Variants in TTBK2 observed in about 807,000 individuals in gnomAD.
TTBK2 encodes tau tubulin kinase 2.
A neutral mutation model predicts 110.8 loss-of-function variants in TTBK2; 28 were observed. The observed-to-expected ratio is 0.25, with a 90% CI of 0.19 to 0.35. The LOEUF (loss-of-function observed/expected upper bound fraction) is 0.35. Among genes scored for constraint, TTBK2 ranks in the 10% least tolerant of loss-of-function variants. TTBK2 has a pLI of 1.00. For synonymous variants in TTBK2, 532 were observed against 527.3 expected (o/e 1.01, Z -0.12); for missense variants, 1,369 against 1,500.3 (o/e 0.91, Z 1.45).
chr15:42,758,279 T>C (rs964030494), intron 13 of TTBK2, among the ~76,000 whole-genome samples: 8 of 152,216 alleles, frequency 5.3e-5, no homozygotes, highest in African/African-American at 1.9e-4. Context: ...CCTGGCCTAT[T>C]AAGAAGTTAA....
chr15:42,852,818 A>G (rs186164143), intron 3 of TTBK2, among the ~76,000 whole-genome samples: 133 of 152,358 alleles, frequency 8.7e-4, no homozygotes, highest in African/African-American at 3.1e-3. Context: ...ATCAACAAGG[A>G]CAAGCAAAAA....
chr15:42,835,658 G>A (rs1892956453), intron 4 of TTBK2, among the ~76,000 whole-genome samples: 1 of 151,842 alleles, frequency 6.6e-6, no homozygotes, highest in Non-Finnish European at 1.5e-5. Flanking sequence ...TAAAGAGATG[G>A]ACGATCATTG....
intron 1 of TTBK2, among the ~76,000 whole-genome samples, chr15:42,910,377 G>A (rs1001791544): frequency 7.2e-5 from 11 of 152,100 alleles, no homozygotes; most frequent in Non-Finnish European, 1.2e-4. Context: ...CCTCCTAATA[G>A]AGTACACATT....
intron 1 of TTBK2, among the ~76,000 whole-genome samples, chr15:42,908,652 G>A (rs965797019): frequency 5.3e-5 from 8 of 152,128 alleles, no homozygotes; most frequent in African/African-American, 1.7e-4. Context: ...GTTGTTGCTT[G>A]CTAATCGTCC....
chr15:42,877,940 CTATT>C (rs1199580072), intron 2 of TTBK2, among the ~76,000 whole-genome samples: 2 of 151,004 alleles, frequency 1.3e-5, no homozygotes, highest in Non-Finnish European at 2.9e-5. Flanking sequence ...ACATTGATGA[CTATT>C]TAACTTGAGT....
At chr15:42,792,558 T>C (rs1214216808) in intron 10 of TTBK2, among the ~76,000 whole-genome samples, 1 of 152,262 alleles carries the variant, frequency 6.6e-6, no homozygotes, top group Non-Finnish European at 1.5e-5. Context: ...TTAGTCTTTC[T>C]AGCACTGGTT....
Position 42,876,575 on chromosome 15 carries a change from C to T in TTBK2, c.69+1974G>A, listed in dbSNP as rs188460848. On this transcript the variant is annotated intron_variant, in intron 2 of 14. Transcript: ENST00000267890. ...ACTGACTTACCTAATCAGTAAAACACATTGTACCATACAAATAAAAAATAA... is the reference window on the plus strand; with the variant it reads ...ACTGACTTACCTAATCAGTAAAACATATTGTACCATACAAATAAAAAATAA... Among the ~76,000 whole-genome samples the T allele has an allele frequency of 5.3e-5, 8 of 152,288 alleles. No individual in the cohort carries two copies. In the East Asian group the frequency reaches 1.5e-3, roughly 29 times the overall value.
chr15:42,860,184 T>C (rs1894099095), intron 3 of TTBK2, among the ~76,000 whole-genome samples: 1 of 151,926 alleles, frequency 6.6e-6, no homozygotes, highest in Non-Finnish European at 1.5e-5. Context: ...TATGAATCAA[T>C]GACTAAGAAT....
At chr15:42,844,118 G>A (rs951775247) in intron 3 of TTBK2, among the ~76,000 whole-genome samples, 31 of 152,170 alleles carry the variant, frequency 2.0e-4, no homozygotes, top group African/African-American at 7.5e-4. Flanking sequence ...CAGTCTCAGT[G>A]TATTGGCTTT....
chr15:42,916,143 T>C (rs1467586228), intron 1 of TTBK2, among the ~76,000 whole-genome samples: 1 of 152,212 alleles, frequency 6.6e-6, no homozygotes, highest in Non-Finnish European at 1.5e-5. Flanking sequence ...ATTTTTTAAG[T>C]GCTAGGGAAG....
In TTBK2 at chr15:42,752,212, C is replaced by G. The variant is rs2061875248; in HGVS notation, c.3034G>C (p.Ala1012Pro). The G allele has an allele frequency of 1.9e-6, 3 of 1,614,060 alleles. No individual in the cohort carries two copies. The highest frequency in any genetic ancestry group is 2.2e-5 in the East Asian group (1 of 44,886). ...AGCACTTCCTCCTCACAAAAGGGAG[C>G]AGGAACAGTAGCTAGTTTCTCCTCT... ...LLEEKLATVP[A>P]PFCEEEVLTP... The change falls in exon 14 of 15, where the codon GCT becomes CCT. Residue 1012 changes from alanine to proline, a missense_variant. Physicochemically the swap from Ala to Pro is conservative, Grantham distance 27. Around this residue, in one of 4 missense-constraint regions of TTBK2, gnomAD observed 1,097 missense variants for 1,114.7 expected, o/e 0.98. Transcript: ENST00000267890.
intron 1 of TTBK2, among the ~76,000 whole-genome samples, chr15:42,898,510 C>G (rs1201142809): frequency 1.6e-5 from 2 of 124,058 alleles, no homozygotes; most frequent in Non-Finnish European, 3.3e-5. Flanking sequence ...GACTCTGTCT[C>G]AAAAAGAAAA....
intron 1 of TTBK2, among the ~76,000 whole-genome samples, chr15:42,891,464 G>A (rs1895453276): frequency 6.6e-6 from 1 of 151,776 alleles, no homozygotes; most frequent in African/African-American, 2.4e-5. Flanking sequence ...ATGAGCCACT[G>A]TGCCCAGCCC....
At chr15:42,848,923 G>A (rs535058206) in intron 3 of TTBK2, among the ~76,000 whole-genome samples, 1 of 152,274 alleles carries the variant, frequency 6.6e-6, no homozygotes, top group East Asian at 1.9e-4. Context: ...GCCTGATCTT[G>A]TATCACTTGC....
chr15:42,838,091 C>T (rs572253915), intron 4 of TTBK2, among the ~76,000 whole-genome samples: 2 of 152,070 alleles, frequency 1.3e-5, no homozygotes, highest in South Asian at 4.2e-4. Flanking sequence ...ACCTGTAATC[C>T]CAGCTATTCC....
chr15:42,784,803 T>C (rs35298309), intron 10 of TTBK2, among the ~76,000 whole-genome samples: 19,688 of 152,114 alleles, frequency 0.13, 1,762 homozygotes, highest in South Asian at 0.22. Flanking sequence ...AGAAAGTTCA[T>C]TGGCATCAGA....
At chr15:42,849,994 T>C (rs921184956) in intron 3 of TTBK2, among the ~76,000 whole-genome samples, 1 of 152,074 alleles carries the variant, frequency 6.6e-6, no homozygotes, top group African/African-American at 2.4e-5. Context: ...CCCATGACTG[T>C]GCCCACATCA....
At chr15:42,751,521 G>A (rs557228900) in intron 14 of TTBK2, among the ~76,000 whole-genome samples, 1 of 152,326 alleles carries the variant, frequency 6.6e-6, no homozygotes, top group African/African-American at 2.4e-5. Flanking sequence ...TGGATCACTT[G>A]GGGCCAGGAG....
chr15:42,795,845 A>G (rs1268995525), intron 9 of TTBK2, among the ~76,000 whole-genome samples: 1 of 144,792 alleles, frequency 6.9e-6, no homozygotes, highest in Non-Finnish European at 1.5e-5. Context: ...TCTTTCTCCA[A>G]AAAAAAAAAA....
Sources: allele counts gnomAD v4.1 joint callset (sites outside exome capture counted in the v4.1 genomes callset), GRCh38; gene constraint gnomAD v4.1.1; regional missense constraint gnomAD v4.1.1; transcripts MANE v1.5; gene names NCBI Gene and HGNC (gene_info 2026-07-23, HGNC 2026-07-21).